Variants in CLTRN observed in about 807,000 individuals in gnomAD.
The protein encoded by CLTRN is collectrin, amino acid transport regulator.
In CLTRN, 12 loss-of-function variants were observed where a neutral mutation model predicts 14.5. The ratio of observed to expected loss-of-function variants is 0.83; its 90% CI spans 0.53 to 1.34. The LOEUF (loss-of-function observed/expected upper bound fraction) is 1.34, where lower values mean the gene tolerates loss of function less well. CLTRN is among the 40% of genes most tolerant of loss of function. CLTRN has a pLI of 0.00. For missense variants in CLTRN, 154 were observed against 165.1 expected, an observed-to-expected ratio of 0.93 and a Z score of 0.37; for synonymous variants, 58 against 56.5, an observed-to-expected ratio of 1.03 and a Z score of -0.12.
chrX:15,655,136 G>A (rs1328995367), intron 3 of CLTRN, among the ~76,000 whole-genome samples: 1 of 111,864 alleles, frequency 8.9e-6, no homozygotes, highest in African/African-American at 3.3e-5. Context: ...GTGGGCTCCA[G>A]CCATTTCCTC....
intron 5 of CLTRN, among the ~76,000 whole-genome samples, chrX:15,629,832 T>C (rs186486955): frequency 2.6e-3 from 289 of 111,802 alleles, no homozygotes; most frequent in African/African-American, 8.8e-3. Flanking sequence ...TTTCCAACAA[T>C]GAAAGAAACT....
intron 5 of CLTRN, among the ~76,000 whole-genome samples, chrX:15,634,589 T>C (rs903276814): frequency 9.1e-6 from 1 of 110,231 alleles, no homozygotes; most frequent in African/African-American, 3.3e-5. Flanking sequence ...TATTGTGAAG[T>C]ATATGCAGTT....
In CLTRN at chrX:15,633,648, G is replaced by C. The variant is rs1387813261; in HGVS notation, c.513-5521C>G. On this transcript the variant is annotated intron_variant, in intron 5 of 5. Transcript: ENST00000380342. ...AAGAATGTGGTTTCAGGATATAAAA[G>C]TGTTGACTGAGCCACATCCGCTTGT... 3.5e-5 allele frequency among the ~76,000 whole-genome samples: 4 copies of C among 112,878 alleles called. No individual in the cohort carries two copies. In the East Asian group the frequency reaches 1.1e-3, roughly 31 times the overall value.
chrX:15,666,071 G>A (rs1929614435), upstream of CLTRN, among the ~76,000 whole-genome samples: 1 of 111,821 alleles, frequency 8.9e-6, no homozygotes, highest in Non-Finnish European at 1.9e-5. Context: ...AACAGACACA[G>A]GTACCTACTT....
chrX:15,648,821 G>T (rs1461620145), intron 3 of CLTRN, among the ~76,000 whole-genome samples: 1 of 108,378 alleles, frequency 9.2e-6, no homozygotes, highest in Non-Finnish European at 1.9e-5. Flanking sequence ...AAAAAAAAAA[G>T]AATAAATCTC....
At chrX:15,646,469 C>T (rs1203657742) in intron 3 of CLTRN, 2 of 261,700 alleles carry the variant, frequency 7.6e-6, no homozygotes, top group South Asian at 7.2e-5. Flanking sequence ...CCCACCCCCC[C>T]GCCCGACCCC....
At chrX:15,644,859 A>G in intron 4 of CLTRN, 57 bp downstream of exon 4, 1 of 736,313 alleles carries the variant, frequency 1.4e-6, no homozygotes, top group Non-Finnish European at 2.0e-6. Context: ...TTTTAAAAAC[A>G]GTTGAATTAA....
At chrX:15,671,613 C>A (rs950014539) in intron 1 of CLTRN, among the ~76,000 whole-genome samples, 4 of 111,395 alleles carry the variant, frequency 3.6e-5, no homozygotes, top group Admixed American at 1.9e-4. Context: ...CAGAGAAGGA[C>A]AATGGGAGAT....
chrX:15,632,871 A>C (rs1191919900), intron 5 of CLTRN, among the ~76,000 whole-genome samples: 4 of 85,290 alleles, frequency 4.7e-5, no homozygotes, highest in African/African-American at 1.8e-4. Flanking sequence ...GTGACAGAGC[A>C]AGACTCTGTC....
At chrX:15,642,348 A>G (rs1221905682) in intron 4 of CLTRN, among the ~76,000 whole-genome samples, 1 of 112,221 alleles carries the variant, frequency 8.9e-6, no homozygotes, top group Admixed American at 9.4e-5. Flanking sequence ...AAAGAACTAA[A>G]ACAGACATCT....
At chrX:15,631,562 C>A (rs750734364) in intron 5 of CLTRN, among the ~76,000 whole-genome samples, 4 of 112,005 alleles carry the variant, frequency 3.6e-5, no homozygotes, top group Non-Finnish European at 7.5e-5. Context: ...TCAGGCATCA[C>A]GAAAGAATGG....
intron 2 of CLTRN, among the ~76,000 whole-genome samples, chrX:15,660,457 C>A (rs2147213308): frequency 9.1e-6 from 1 of 110,226 alleles, no homozygotes; most frequent in African/African-American, 3.3e-5. Context: ...TCTTCCACTT[C>A]ACCATTTTCT....
chrX:15,641,760 C>T (rs6632685), intron 4 of CLTRN, among the ~76,000 whole-genome samples: 30,594 of 108,895 alleles, frequency 0.28, 3,613 homozygotes, highest in East Asian at 0.52. Flanking sequence ...TTATGTTTTA[C>T]ACTGTGAGCA....
intron 5 of CLTRN, among the ~76,000 whole-genome samples, chrX:15,632,837 T>C (rs1397735465): frequency 1.1e-5 from 1 of 94,750 alleles, no homozygotes; most frequent in Admixed American, 1.3e-4. Flanking sequence ...TGAGCCAAGA[T>C]CTTGCCACTG....
At chrX:15,630,842 T>C (rs12689012) in intron 5 of CLTRN, among the ~76,000 whole-genome samples, 31,017 of 110,548 alleles carry the variant, frequency 0.28, 3,587 homozygotes, top group East Asian at 0.52. Flanking sequence ...AGAGGATCCT[T>C]CCAGGTGAAA....
rs1239308089 is a variant in CLTRN at position 15,627,938 on chromosome X, T to C, written c.*33A>G. The C allele has an allele frequency of 2.0e-6, 2 of 990,867 alleles. No individual in the cohort carries two copies. The allele number at this position is 990,867 out of a possible 1,213,427, so 81.7% of individuals were successfully genotyped here. On this transcript the variant is annotated 3_prime_UTR_variant, in exon 6 of 6. Transcript: ENST00000380342. Reference sequence around the variant, plus strand: ...CTCAGCAGTCACACAGAAACAAATGTTTAATTTCTTGAGGAAGCAGAACAA... The same window carrying C: ...CTCAGCAGTCACACAGAAACAAATGCTTAATTTCTTGAGGAAGCAGAACAA...
At chrX:15,657,275 G>T (rs1302110058) in intron 3 of CLTRN, among the ~76,000 whole-genome samples, 2 of 112,411 alleles carry the variant, frequency 1.8e-5, no homozygotes, top group Non-Finnish European at 3.8e-5. Context: ...TTTGGGATTG[G>T]AGGCGTGAGC....
chrX:15,658,012 G>A (rs1929415245), intron 3 of CLTRN, among the ~76,000 whole-genome samples: 1 of 111,327 alleles, frequency 9.0e-6, no homozygotes, highest in Non-Finnish European at 1.9e-5. Flanking sequence ...ATCTATACTG[G>A]GCCTTGAATT....
chrX:15,668,371 G>A (rs1222099144), upstream of CLTRN, among the ~76,000 whole-genome samples: 1 of 112,143 alleles, frequency 8.9e-6, no homozygotes, highest in Non-Finnish European at 1.9e-5. Flanking sequence ...CATGTGATAC[G>A]AGCATTATAT....
Sources: allele counts gnomAD v4.1 joint callset (sites outside exome capture counted in the v4.1 genomes callset), GRCh38; gene constraint gnomAD v4.1.1; transcripts MANE v1.5; gene names NCBI Gene and HGNC (gene_info 2026-07-23, HGNC 2026-07-21).